The following LINGO3 variants were observed in gnomAD, a reference collection of about 807,000 sequenced individuals.
LINGO3 encodes the protein leucine-rich repeat and immunoglobulin-like domain-containing nogo receptor-interacting protein 3.
For synonymous variants in LINGO3, 427 were observed against 444.2 expected (o/e 0.96, Z 0.49); for missense variants, 750 against 867.7 (o/e 0.86, Z 1.70).
the LINGO3 span, among the ~76,000 whole-genome samples, chr19:2,301,155 G>C: frequency 2.0e-5 from 3 of 152,182 alleles, no homozygotes; most frequent in Admixed American, 6.5e-5. Flanking sequence ...TGAGTGGGAG[G>C]GAGAGAGGAG....
upstream of LINGO3, among the ~76,000 whole-genome samples, chr19:2,293,354 G>A (rs369135309): frequency 1.6e-4 from 24 of 149,128 alleles, no homozygotes; most frequent in East Asian, 5.9e-4. Flanking sequence ...GTGAGCCACC[G>A]CGCCTGGCCT....
upstream of LINGO3, among the ~76,000 whole-genome samples, chr19:2,295,222 G>A (rs948520303): frequency 7.2e-5 from 11 of 152,250 alleles, no homozygotes; most frequent in African/African-American, 2.4e-4. Flanking sequence ...TTCAATGACT[G>A]GCATCCTTAT....
upstream of LINGO3, among the ~76,000 whole-genome samples, chr19:2,293,801 C>G (rs2025549120): frequency 6.6e-6 from 1 of 151,744 alleles, no homozygotes; most frequent in Non-Finnish European, 1.5e-5. Context: ...GCCTGTAAAT[C>G]CAGCATTTTG....
exon 1 of LINGO3, chr19:2,289,895 A>G: frequency 1.1e-6 from 1 of 947,914 alleles, no homozygotes; most frequent in Non-Finnish European, 1.5e-6. Flanking sequence ...CTGCCTGGGG[A>G]GCGCCGTGCA....
the LINGO3 span, among the ~76,000 whole-genome samples, chr19:2,302,842 A>G: frequency 2.6e-5 from 4 of 152,124 alleles, no homozygotes; most frequent in Non-Finnish European, 2.9e-5. Context: ...TCTGTCCTGA[A>G]CAGGTGGGGG....
the LINGO3 span, among the ~76,000 whole-genome samples, chr19:2,303,396 G>C: frequency 6.6e-6 from 1 of 152,114 alleles, no homozygotes; most frequent in Non-Finnish European, 1.5e-5. Flanking sequence ...TGTGTTTGAC[G>C]GGCCCAGGGA....
At chr19:2,302,884 G>A in the LINGO3 span, among the ~76,000 whole-genome samples, 1 of 152,198 alleles carries the variant, frequency 6.6e-6, no homozygotes, top group Non-Finnish European at 1.5e-5. Flanking sequence ...CCATGCGATC[G>A]CACCCCAGGA....
the LINGO3 span, among the ~76,000 whole-genome samples, chr19:2,301,762 C>T: frequency 1.3e-5 from 2 of 151,696 alleles, no homozygotes; most frequent in African/African-American, 2.4e-5. Context: ...CCCGTCTCTA[C>T]TAAAAAATAC....
chr19:2,307,679 G>C, the LINGO3 span, among the ~76,000 whole-genome samples: 1 of 152,230 alleles, frequency 6.6e-6, no homozygotes. Context: ...CCGGCTCGGG[G>C]GAGACAGGGC....
At chr19:2,293,030 C>T (rs553211462), upstream of LINGO3, among the ~76,000 whole-genome samples, 9 of 151,826 alleles carry the variant, frequency 5.9e-5, no homozygotes, top group Non-Finnish European at 1.3e-4. Context: ...CAGTGAGAGA[C>T]GCGACACAAA....
chr19:2,303,964 A>C, the LINGO3 span, among the ~76,000 whole-genome samples: 1 of 152,192 alleles, frequency 6.6e-6, no homozygotes. Flanking sequence ...TCTTCTGCAA[A>C]AGGGAACTGC....
chr19:2,289,244 G>C (rs2025493933), downstream of LINGO3, among the ~76,000 whole-genome samples: 1 of 151,110 alleles, frequency 6.6e-6, no homozygotes, highest in African/African-American at 2.4e-5. Flanking sequence ...TGTGTCCCGG[G>C]TGTGAGCTGT....
exon 1 of LINGO3, chr19:2,291,870 C>T (rs1359139156): frequency 8.8e-7 from 1 of 1,133,690 alleles, no homozygotes; most frequent in Non-Finnish European, 1.2e-6. Context: ...TAGCACCCCT[C>T]CGCGGCGCCT....
the LINGO3 span, among the ~76,000 whole-genome samples, chr19:2,297,040 T>G: frequency 6.0e-5 from 9 of 150,786 alleles, no homozygotes; most frequent in African/African-American, 1.9e-4. Flanking sequence ...TGCAGTGAGC[T>G]GAGATCACGC....
chr19:2,302,235 G>C, the LINGO3 span, among the ~76,000 whole-genome samples: 1 of 151,518 alleles, frequency 6.6e-6, no homozygotes, highest in African/African-American at 2.4e-5. Context: ...CTAATTTTTG[G>C]ATTTTTAGTA....
chr19:2,299,889 A>AGTGGTGT, the LINGO3 span, among the ~76,000 whole-genome samples: 1 of 141,786 alleles, frequency 7.1e-6, no homozygotes, highest in Non-Finnish European at 1.5e-5. Context: ...ACGCCCGGCT[A>AGTGGTGT]ATTTTTTGTA....
chr19:2,289,834 G>C, exon 1 of LINGO3: 1 of 588,266 alleles, frequency 1.7e-6, no homozygotes, highest in Non-Finnish European at 3.0e-6. Flanking sequence ...AAAGACGCAT[G>C]CTGATGAAAA....
Position 2,290,207 on chromosome 19 carries a change from G to A in LINGO3, c.1570C>T (p.Leu524Phe). 6.2e-7 allele frequency: 1 copy of A among 1,608,804 alleles called. No individual in the cohort carries two copies. Among genetic ancestry groups the A allele is most frequent in the South Asian group, 1.1e-5 (1 of 90,914 alleles). Residue 524 changes from leucine to phenylalanine, a missense_variant, in exon 1 of 1, where the codon CTC (leucine) becomes TTC (phenylalanine). Physicochemically the swap from Leu to Phe is conservative, Grantham distance 22. Coordinates refer to ENST00000585527, the Ensembl canonical transcript of LINGO3. This position sits in a 1 kb window ranked among gnomAD's most constrained non-coding sequence, Gnocchi z 6.0. ...GCGGTGGACACCAGGATGGTGGTGAGGTCGAGCGGCGCGCGCAGGGCCGCC... is the reference window on the plus strand; with the variant it reads ...GCGGTGGACACCAGGATGGTGGTGAAGTCGAGCGGCGCGCGCAGGGCCGCC...
the LINGO3 span, among the ~76,000 whole-genome samples, chr19:2,299,657 C>G: frequency 1.3e-5 from 2 of 149,240 alleles, no homozygotes; most frequent in Non-Finnish European, 3.0e-5. Context: ...ATCTCCTGAC[C>G]TGGTGATCCG....
Sources: gnomAD v4.1 joint callset for allele counts (sites outside exome capture counted in the v4.1 genomes callset) on GRCh38, gnomAD v4.1.1 for gene constraint, Gnocchi (gnomAD v3.1) non-coding constraint, MANE v1.5 for transcripts, NCBI Gene and HGNC (gene_info 2026-07-23, HGNC 2026-07-21) for gene names.